Variants in EYS observed in about 807,000 individuals in gnomAD.
EYS encodes protein eyes shut homolog.
Under a neutral mutation model 282.1 loss-of-function variants are expected in EYS, and 250 were observed. The observed-to-expected ratio is 0.89, with a 90% CI of 0.80 to 0.98. The LOEUF is 0.98. Ranked by LOEUF, EYS falls within the 50% of genes least tolerant of loss-of-function variation. The probability of loss-of-function intolerance (pLI) is 0.00; values close to 1 mark genes in which losing one functional copy is unlikely to be tolerated. For missense variants in EYS, 4,016 were observed against 3,709.0 expected, an observed-to-expected ratio of 1.08 and a Z score of -2.15; for synonymous variants, 1,355 against 1,282.9, an observed-to-expected ratio of 1.06 and a Z score of -1.20.
intron 29 of EYS, among the ~76,000 whole-genome samples, chr6:64,364,530 C>T (rs2150410371): frequency 6.6e-6 from 1 of 151,936 alleles, no homozygotes; most frequent in East Asian, 1.9e-4. Context: ...AAATTTATTT[C>T]CCTTTCTCTT....
At chr6:63,932,129 C>T (rs1024901997) in intron 35 of EYS, among the ~76,000 whole-genome samples, 4 of 152,306 alleles carry the variant, frequency 2.6e-5, no homozygotes, top group Non-Finnish European at 5.9e-5. Context: ...AAATGTCCTC[C>T]AGGCCCATCC....
intron 31 of EYS, among the ~76,000 whole-genome samples, chr6:64,126,756 A>G (rs556867887): frequency 6.6e-6 from 1 of 152,186 alleles, no homozygotes; most frequent in South Asian, 2.1e-4. Flanking sequence ...TCTAAATCCC[A>G]GAAACAACTG....
intron 35 of EYS, among the ~76,000 whole-genome samples, chr6:63,959,099 A>C (rs1250935331): frequency 6.6e-6 from 1 of 152,170 alleles, no homozygotes; most frequent in Non-Finnish European, 1.5e-5. Context: ...AATGGGAGAA[A>C]ATTTCTGCAA....
chr6:65,611,707 T>C (rs1766008958), intron 2 of EYS, among the ~76,000 whole-genome samples: 1 of 152,234 alleles, frequency 6.6e-6, no homozygotes, highest in African/African-American at 2.4e-5. Context: ...ACCTTTACAG[T>C]ACAGTTCTCT....
chr6:65,215,812 A>G (rs1020674464), intron 12 of EYS, among the ~76,000 whole-genome samples: 3 of 152,114 alleles, frequency 2.0e-5, no homozygotes, highest in Non-Finnish European at 4.4e-5. Context: ...TTGAGACAAG[A>G]CCCTCCACAA....
rs551500915 is a variant in EYS at position 63,806,232 on chromosome 6, G to A, written c.7369C>T (p.Leu2457=). ...KFQLANNHSA[L]QNNLIFFTGQ... ...GTAAAAAATATCAAGTTATTTTGCA[G>A]TGCTGAGTGGTTGTTTGCCAGCTGA... The change falls in exon 37 of 43, where the codon CTG becomes TTG. Residue 2457 remains leucine, a synonymous_variant. Transcript: ENST00000503581. The A allele has an allele frequency of 1.3e-4, 199 of 1,551,578 alleles. 5 individuals are homozygous for A. The South Asian group carries it at 2.2e-3, about 17-fold the overall frequency.
chr6:65,053,633 ATG>A (rs1395522348), intron 13 of EYS, among the ~76,000 whole-genome samples: 1 of 151,842 alleles, frequency 6.6e-6, no homozygotes, highest in Non-Finnish European at 1.5e-5. Context: ...GGGCCAGCAA[ATG>A]TTTTCTATAG....
intron 11 of EYS, among the ~76,000 whole-genome samples, chr6:65,309,766 A>G (rs976453042): frequency 6.6e-6 from 1 of 152,148 alleles, no homozygotes; most frequent in Non-Finnish European, 1.5e-5. Context: ...GTTATCCTTT[A>G]TGTATCTTTC....
At chr6:65,331,548 G>T (rs1008510048) in intron 11 of EYS, 3 of 963,184 alleles carry the variant, frequency 3.1e-6, no homozygotes, top group African/African-American at 1.8e-5. Flanking sequence ...ACAATATCAA[G>T]AACTCATTAA....
intron 41 of EYS, chr6:63,741,925 C>T (rs1769085761): frequency 1.4e-6 from 1 of 702,406 alleles, no homozygotes; most frequent in East Asian, 2.7e-5. Context: ...TCCTTCTTCA[C>T]TTTCCGTTCT....
rs1340786084 is a variant in EYS, at chr6:63,830,355, CA to C, written c.7229-23984del. On this transcript the variant is annotated intron_variant, in intron 36 of 42. Coordinates refer to ENST00000503581, the MANE Select transcript of EYS (RefSeq NM_001142800.2). Reference sequence around the variant, plus strand: ...TAGACGAATGGCTAAGTAGAATAAACAGTGTAAAGAAGACCTTAAATGACCT... The same window carrying C: ...TAGACGAATGGCTAAGTAGAATAAACGTGTAAAGAAGACCTTAAATGACCT... Among the ~76,000 whole-genome samples the C allele has an allele frequency of 2.0e-5, 3 of 152,230 alleles. No homozygotes were observed. The East Asian group carries it at 5.8e-4, about 29-fold the overall frequency.
chr6:64,642,167 T>C (rs993126772), intron 22 of EYS, among the ~76,000 whole-genome samples: 30 of 152,172 alleles, frequency 2.0e-4, no homozygotes, highest in Non-Finnish European at 4.0e-4. Context: ...GGGAAAAAAA[T>C]TAATCTGTAT....
At chr6:64,490,274 T>A (rs1333564970) in intron 26 of EYS, among the ~76,000 whole-genome samples, 1 of 150,878 alleles carries the variant, frequency 6.6e-6, no homozygotes, top group Non-Finnish European at 1.5e-5. Context: ...ATATTGAGCA[T>A]CTACCATATA....
intron 13 of EYS, among the ~76,000 whole-genome samples, chr6:65,030,335 TA>T (rs1177335828): frequency 6.6e-6 from 1 of 152,028 alleles, no homozygotes; most frequent in Non-Finnish European, 1.5e-5. Context: ...AGACCCTCCC[TA>T]ACCATCAGAG....
Position 63,985,659 on chromosome 6 carries a change from GAA to G in EYS, c.6835-1058_6835-1057del, listed in dbSNP as rs372650478. On this transcript the variant is annotated intron_variant, in intron 34 of 42. Coordinates refer to ENST00000503581, the MANE Select transcript of EYS (RefSeq NM_001142800.2). The stretch of plus-strand genomic sequence containing the variant: ...ACCTTTTATTCCAAAATCAGATCAA[GAA>G]AAGACTCTTGCTTTGAGAAGACACA... Among the ~76,000 whole-genome samples, 23 of 151,762 alleles carry G rather than the reference GAA, an allele frequency of 1.5e-4. 1 individual carries two copies. In the East Asian group the frequency reaches 4.3e-3, roughly 28 times the overall value.
intron 24 of EYS, among the ~76,000 whole-genome samples, chr6:64,615,548 T>A (rs917644563): frequency 6.6e-6 from 1 of 152,126 alleles, no homozygotes; most frequent in African/African-American, 2.4e-5. Flanking sequence ...AAAAGTATAT[T>A]TCTTAGGAAT....
chr6:65,619,496 C>T (rs1018201692), intron 2 of EYS, among the ~76,000 whole-genome samples: 2 of 152,180 alleles, frequency 1.3e-5, no homozygotes, highest in African/African-American at 4.8e-5. Context: ...ATGTCATCTG[C>T]AAACAGGGAC....
intron 5 of EYS, among the ~76,000 whole-genome samples, chr6:65,461,797 A>C (rs192186870): frequency 5.9e-5 from 9 of 152,188 alleles, no homozygotes; most frequent in African/African-American, 1.4e-4. Flanking sequence ...AACCATTATT[A>C]ATTAAAATGC....
At chr6:64,357,611 AGTGG>A (rs1285483045) in intron 29 of EYS, among the ~76,000 whole-genome samples, 1 of 151,588 alleles carries the variant, frequency 6.6e-6, no homozygotes, top group African/African-American at 2.4e-5. Context: ...AAGGAAGCAA[AGTGG>A]TTCAGGCCTA....
Sources: gnomAD v4.1 joint callset for allele counts (sites outside exome capture counted in the v4.1 genomes callset) on GRCh38, gnomAD v4.1.1 for gene constraint, MANE v1.5 for transcripts, NCBI Gene and HGNC (gene_info 2026-07-23, HGNC 2026-07-21) for gene names.